The following ROBO2 variants were observed in gnomAD, a reference collection of about 807,000 sequenced individuals.
ROBO2 encodes roundabout guidance receptor 2.
Under a neutral mutation model 160.8 loss-of-function variants are expected in ROBO2, and 53 were observed. The observed-to-expected ratio is 0.33, with a 90% CI of 0.26 to 0.41. The LOEUF is 0.41. Ranked by LOEUF, ROBO2 falls within the 10% of genes least tolerant of loss-of-function variation. The pLI is 1.00. For synonymous variants in ROBO2, 664 were observed against 611.7 expected (o/e 1.09, Z -1.26); for missense variants, 1,577 against 1,722.4 (o/e 0.92, Z 1.49).
chr3:76,528,963 G>A lies in ROBO2; in HGVS notation c.110-569051G>A, dbSNP rs185823170. Among the ~76,000 whole-genome samples, 23 of 152,190 alleles carry A rather than the reference G, an allele frequency of 1.5e-4. 1 individual carries two copies. Among genetic ancestry groups the A allele is most frequent in the Middle Eastern group, 6.8e-3 (2 of 294 alleles). The stretch of plus-strand genomic sequence containing the variant: ...CTGATAGGCCAAGTAGAAAGAGGTG[G>A]GAGAATTAGCAGTGAATTTACAACA... On this transcript the variant is annotated intron_variant, in intron 2 of 26. Coordinates refer to the ROBO2 transcript ENST00000487694.
At chr3:76,946,954 C>T (rs930183844) in intron 2 of ROBO2, among the ~76,000 whole-genome samples, 3 of 152,118 alleles carry the variant, frequency 2.0e-5, no homozygotes, top group African/African-American at 7.2e-5. Context: ...TCCGTAATGT[C>T]CAATGTCTTG....
At chr3:76,011,910 C>A (rs2066205885) in intron 2 of ROBO2, among the ~76,000 whole-genome samples, 1 of 152,042 alleles carries the variant, frequency 6.6e-6, no homozygotes, top group Non-Finnish European at 1.5e-5. Context: ...TCCAGTCATC[C>A]CCCTTTCAGC....
At chr3:76,632,861 A>G (rs2090108939) in intron 2 of ROBO2, among the ~76,000 whole-genome samples, 1 of 152,214 alleles carries the variant, frequency 6.6e-6, no homozygotes, top group South Asian at 2.1e-4. Context: ...AAATTGCTGG[A>G]GGATCCATTG....
At chr3:76,372,993 T>C (rs1305680990) in intron 2 of ROBO2, among the ~76,000 whole-genome samples, 2 of 151,998 alleles carry the variant, frequency 1.3e-5, no homozygotes, top group African/African-American at 4.8e-5. Context: ...AATAAGCGAA[T>C]TAAATCCAGT....
chr3:77,326,681 G>A (rs1017710377), intron 2 of ROBO2, among the ~76,000 whole-genome samples: 4 of 151,910 alleles, frequency 2.6e-5, no homozygotes, highest in South Asian at 2.1e-4. Context: ...TCTCTAATTC[G>A]AGCTCAGTAT....
intron 2 of ROBO2, among the ~76,000 whole-genome samples, chr3:76,943,307 T>C (rs2078315513): frequency 6.6e-6 from 1 of 152,160 alleles, no homozygotes; most frequent in Non-Finnish European, 1.5e-5. Context: ...ATACCACTCG[T>C]TGCTATCTGT....
At position 76,672,179 on chromosome 3, in the gene ROBO2, G is replaced by A. The variant is rs529154973; in HGVS notation, c.110-425835G>A. On this transcript the variant is annotated intron_variant, in intron 2 of 26. Transcript: ENST00000487694. ...TCTGCTTTGCCATCACTACGCTGTGGACTTCTTTGTGGGCTAAGATAATTT... is the reference window on the plus strand; with the variant it reads ...TCTGCTTTGCCATCACTACGCTGTGAACTTCTTTGTGGGCTAAGATAATTT... Among the ~76,000 whole-genome samples, 76 of 152,112 alleles carry A rather than the reference G, an allele frequency of 5.0e-4. 1 individual carries two copies. The highest frequency in any genetic ancestry group is 1.8e-3 in the African/African-American group (74 of 41,496).
intron 2 of ROBO2, among the ~76,000 whole-genome samples, chr3:76,228,186 T>C (rs1704407127): frequency 6.6e-6 from 1 of 152,202 alleles, no homozygotes. Context: ...CATAATATTT[T>C]CTGTTTCAAC....
intron 3 of ROBO2, among the ~76,000 whole-genome samples, chr3:77,480,078 G>C (rs992379424): frequency 6.6e-6 from 1 of 152,116 alleles, no homozygotes; most frequent in Non-Finnish European, 1.5e-5. Context: ...ACAGAATTGA[G>C]AACAGGTTAA....
chr3:77,535,106 G>A (rs1424394643), intron 6 of ROBO2, among the ~76,000 whole-genome samples: 1 of 152,124 alleles, frequency 6.6e-6, no homozygotes, highest in African/African-American at 2.4e-5. Context: ...TGTAATTAAT[G>A]TTATTAAGAA....
intron 2 of ROBO2, among the ~76,000 whole-genome samples, chr3:76,299,344 C>G (rs953076639): frequency 6.6e-6 from 1 of 151,872 alleles, no homozygotes; most frequent in Non-Finnish European, 1.5e-5. Context: ...CTGAAGCAAG[C>G]GAGGGATTTG....
chr3:76,850,817 G>T (rs1022821500), intron 2 of ROBO2, among the ~76,000 whole-genome samples: 1 of 152,078 alleles, frequency 6.6e-6, no homozygotes, highest in Admixed American at 6.6e-5. Context: ...TCAATTTTAG[G>T]ATATTATGGC....
chr3:77,084,676 A>AT (rs11433421), intron 1 of ROBO2, among the ~76,000 whole-genome samples: 15,858 of 152,064 alleles, frequency 0.1, 897 homozygotes, highest in South Asian at 0.19. Context: ...CCCTCCTCTG[A>AT]TAAGGCTTCA....
chr3:77,434,151 CTTCTTGGCCT>C (rs1454877038), intron 2 of ROBO2, among the ~76,000 whole-genome samples: 3 of 152,098 alleles, frequency 2.0e-5, no homozygotes, highest in African/African-American at 4.8e-5. Context: ...TCACAGCTCT[CTTCTTGGCCT>C]TTTTCTACTT....
chr3:76,930,205 G>A (rs895676639), intron 2 of ROBO2, among the ~76,000 whole-genome samples: 6 of 151,842 alleles, frequency 4.0e-5, no homozygotes, highest in South Asian at 4.2e-4. Context: ...TGTATTTTTA[G>A]TATAAATGCC....
At chr3:76,559,633 A>G (rs919234965) in intron 2 of ROBO2, among the ~76,000 whole-genome samples, 3 of 152,164 alleles carry the variant, frequency 2.0e-5, no homozygotes, top group African/African-American at 7.2e-5. Flanking sequence ...AGGATGAGCA[A>G]TATAAGTAGA....
At chr3:77,175,692 G>T (rs2150784895) in intron 2 of ROBO2, among the ~76,000 whole-genome samples, 1 of 152,066 alleles carries the variant, frequency 6.6e-6, no homozygotes, top group East Asian at 1.9e-4. Flanking sequence ...GATTGGCCAA[G>T]CTGGGATAGT....
At chr3:76,507,977 T>G (rs9853698) in intron 2 of ROBO2, among the ~76,000 whole-genome samples, 10,659 of 152,238 alleles carry the variant, frequency 0.07, 1,114 homozygotes, top group African/African-American at 0.23. Flanking sequence ...TGAACACTCC[T>G]CAGGATGTCT....
intron 2 of ROBO2, among the ~76,000 whole-genome samples, chr3:77,279,931 GA>G (rs1267960249): frequency 1.3e-5 from 2 of 152,024 alleles, no homozygotes; most frequent in South Asian, 4.1e-4. Flanking sequence ...AATACCTTGT[GA>G]TTACTTTTAA....
Sources: gnomAD v4.1 joint callset for allele counts (sites outside exome capture counted in the v4.1 genomes callset) on GRCh38, gnomAD v4.1.1 for gene constraint, MANE v1.5 for transcripts, NCBI Gene and HGNC (gene_info 2026-07-23, HGNC 2026-07-21) for gene names.